Variants in GYPB observed in about 807,000 individuals in gnomAD.
The protein encoded by GYPB is glycophorin-B.
GYPB carries 13 observed loss-of-function variants against 15.3 expected under a neutral mutation model. That is an observed-to-expected ratio of 0.85 (90% confidence interval 0.55 to 1.35). GYPB has a LOEUF of 1.35. Among genes scored for constraint, GYPB ranks in the 40% most tolerant of loss-of-function variants. GYPB has a pLI of 0.00. For synonymous variants in GYPB, 38 were observed against 36.9 expected (o/e 1.03, Z -0.11); for missense variants, 131 against 108.3 (o/e 1.21, Z -0.93).
At chr4:144,002,118 TAA>T (rs1727660989) in intron 1 of GYPB, among the ~76,000 whole-genome samples, 1 of 151,280 alleles carries the variant, frequency 6.6e-6, no homozygotes, top group Admixed American at 6.5e-5. Context: ...TTCAAATTTA[TAA>T]GTTATTTTAT....
chr4:144,014,124 A>C (rs1417141874), intron 1 of GYPB, among the ~76,000 whole-genome samples: 1 of 151,764 alleles, frequency 6.6e-6, no homozygotes, highest in Non-Finnish European at 1.5e-5. Context: ...GACTGTGGAG[A>C]AATTGGCACC....
chr4:144,001,332 C>T, intron 1 of GYPB, 49 bp from the exon 2 acceptor site: 3 of 1,612,320 alleles, frequency 1.9e-6, no homozygotes, highest in Non-Finnish European at 1.7e-6. Flanking sequence ...GGTGACTGAG[C>T]AGACCATAAA....
chr4:144,013,518 C>A (rs1485006424), intron 1 of GYPB, among the ~76,000 whole-genome samples: 1 of 151,166 alleles, frequency 6.6e-6, no homozygotes, highest in East Asian at 1.9e-4. Flanking sequence ...TGGAACCAAC[C>A]CAAATGTCCA....
chr4:144,000,850 A>G (rs150049784), intron 2 of GYPB, among the ~76,000 whole-genome samples: 3,187 of 151,060 alleles, frequency 0.021, 209 homozygotes, highest in African/African-American at 0.072. Flanking sequence ...AGCTGAGCCC[A>G]GGTCTGAGCT....
chr4:143,997,216 T>G (rs1163641932), intron 4 of GYPB: 2 of 186,134 alleles, frequency 1.1e-5, no homozygotes, highest in Non-Finnish European at 2.2e-5. Flanking sequence ...TTTTTTACAC[T>G]AATAGGTTAA....
intron 1 of GYPB, among the ~76,000 whole-genome samples, chr4:144,011,099 G>C (rs1236746555): frequency 6.6e-6 from 1 of 151,572 alleles, no homozygotes; most frequent in Non-Finnish European, 1.5e-5. Context: ...AGATAGGTTA[G>C]GACTGGTGCA....
chr4:144,001,206 A>G lies in GYPB; in HGVS notation c.115T>C (p.Tyr39His). The G allele has an allele frequency of 1.9e-6, 3 of 1,612,932 alleles. No homozygotes were observed. Among genetic ancestry groups the G allele is most frequent in the Non-Finnish European group, 2.5e-6 (3 of 1,179,816 alleles). Reference protein sequence around the residue: ...TSTSSSVTKSYISSQTNGETG... With the variant: ...TSTSSSVTKSHISSQTNGETG... ...AAACCATTTGTCTGTGATGAGATGT[A>G]ACTCTTTGTGACTGAAGAAGAGGTT... Residue 39 changes from tyrosine (Y) to histidine (H), a missense_variant, in exon 2 of 5, where the codon TAC becomes CAC. Physicochemically the swap from Tyr to His is moderately conservative, Grantham distance 83 (BLOSUM62 2). Coordinates refer to ENST00000502664, the MANE Select transcript of GYPB (RefSeq NM_002100.6).
At chr4:144,001,787 A>T (rs1727638291) in intron 1 of GYPB, among the ~76,000 whole-genome samples, 1 of 151,048 alleles carries the variant, frequency 6.6e-6, no homozygotes, top group Admixed American at 6.6e-5. Context: ...AATTATACAG[A>T]ACAAAAGTTC....
intron 1 of GYPB, 63 bp downstream of exon 1, chr4:144,019,188 C>T (rs1728657442): frequency 1.9e-6 from 3 of 1,607,054 alleles, no homozygotes; most frequent in South Asian, 2.2e-5. Flanking sequence ...TAGGGTAGTT[C>T]ATATTTTATT....
At chr4:144,003,917 C>T (rs1727746353) in intron 1 of GYPB, among the ~76,000 whole-genome samples, 1 of 151,486 alleles carries the variant, frequency 6.6e-6, no homozygotes, top group African/African-American at 2.5e-5. Context: ...CATGCCTCCA[C>T]TCTGGCTTTT....
chr4:144,011,368 A>C (rs896137302), intron 1 of GYPB, among the ~76,000 whole-genome samples: 1 of 151,426 alleles, frequency 6.6e-6, no homozygotes, highest in African/African-American at 2.5e-5. Flanking sequence ...CGACAGAACG[A>C]GACTCCATCT....
At chr4:143,997,780 T>A in intron 3 of GYPB, 146 bp from the exon 4 acceptor site, 2 of 606,028 alleles carry the variant, frequency 3.3e-6, no homozygotes, top group South Asian at 1.8e-5. Context: ...TTGTCTTTTT[T>A]TAAATTGTGT....
downstream of GYPB, among the ~76,000 whole-genome samples, chr4:143,995,363 C>A (rs1727272136): frequency 6.6e-6 from 1 of 151,374 alleles, no homozygotes; most frequent in South Asian, 2.1e-4. Context: ...CAGCATATGA[C>A]CATGGCCTGC....
intron 4 of GYPB, among the ~76,000 whole-genome samples, chr4:143,996,871 T>C (rs1727342001): frequency 9.7e-6 from 1 of 102,724 alleles, no homozygotes; most frequent in South Asian, 3.2e-4. Context: ...CATGTGAGAA[T>C]TAAGAAAGGC....
chr4:144,000,135 T>C (rs1011586014), intron 2 of GYPB: 20 of 170,848 alleles, frequency 1.2e-4, no homozygotes, highest in Admixed American at 1.9e-4. Context: ...GTATATGCTA[T>C]GTTGTTTGAT....
chr4:143,999,157 C>T (rs1009499306), intron 3 of GYPB: 1 of 339,262 alleles, frequency 2.9e-6, no homozygotes, highest in Non-Finnish European at 5.5e-6. Context: ...ATTAGCCAGG[C>T]TTGGCCTCCC....
In GYPB at chr4:143,996,118, T is replaced by C. The variant is rs1467127913; in HGVS notation, c.*181A>G. 2 of 1,418,706 alleles carry C rather than the reference T, an allele frequency of 1.4e-6. No individual in the cohort carries two copies. The highest frequency in any genetic ancestry group is 1.9e-6 in the Non-Finnish European group (2 of 1,072,066). 87.9% of individuals were successfully genotyped at this position (1,418,706 alleles called of 1,614,324 possible). The stretch of plus-strand genomic sequence containing the variant: ...TAATACATGAAAACGGTTTGTATTT[T>C]GTTTTATTTTTATTTAGAAGTAGAG... On this transcript the variant is annotated 3_prime_UTR_variant, in exon 5 of 5. Coordinates refer to ENST00000502664, the MANE Select transcript of GYPB (RefSeq NM_002100.6).
chr4:144,001,667 TA>T (rs1222502067), intron 1 of GYPB, among the ~76,000 whole-genome samples: 2 of 151,204 alleles, frequency 1.3e-5, no homozygotes, highest in Non-Finnish European at 2.9e-5. Flanking sequence ...ACTTGACACA[TA>T]AAGAGCATTA....
Position 143,997,054 on chromosome 4 carries a change from G to A in GYPB, c.270+486C>T, listed in dbSNP as rs148409259. On this transcript the variant is annotated intron_variant, in intron 4 of 4. Coordinates refer to ENST00000502664, the MANE Select transcript of GYPB (RefSeq NM_002100.6). ...CCTGAATAGCTGATACTACACATGT[G>A]CACCACCAAGCCTTTCTAATTTTCA... is the stretch of plus-strand genomic sequence containing the variant. 8.8e-4 allele frequency among the ~76,000 whole-genome samples: 133 copies of A among 151,002 alleles called. 6 individuals are homozygous for A. The highest frequency in any genetic ancestry group is 3.0e-3 in the African/African-American group (121 of 40,526).
Sources: gnomAD v4.1 joint callset for allele counts (sites outside exome capture counted in the v4.1 genomes callset) on GRCh38, gnomAD v4.1.1 for gene constraint, MANE v1.5 for transcripts, NCBI Gene and HGNC (gene_info 2026-07-23, HGNC 2026-07-21) for gene names.